Variants in PRTG observed in about 807,000 individuals in gnomAD.
PRTG encodes the protein immunoglobulin superfamily, DCC subclass, member 5.
Under a neutral mutation model 122.5 loss-of-function variants are expected in PRTG, and 67 were observed. The observed-to-expected ratio is 0.55, with a 90% confidence interval of 0.45 to 0.67. The LOEUF is 0.67. PRTG is among the 30% of genes least tolerant of loss of function. The pLI is 0.00. For synonymous variants in PRTG, 554 were observed against 501.1 expected, an observed-to-expected ratio of 1.11 and a Z score of -1.41; for missense variants, 1,435 against 1,415.4, an observed-to-expected ratio of 1.01 and a Z score of -0.22.
At chr15:55,679,680 T>C (rs2059526211) in intron 6 of PRTG, 1 of 449,170 alleles carries the variant, frequency 2.2e-6, no homozygotes, top group Non-Finnish European at 3.9e-6. Flanking sequence ...TTAAAATATA[T>C]GTACCTATCA....
At chr15:55,688,716 C>G (rs1311491874) in intron 2 of PRTG, among the ~76,000 whole-genome samples, 1 of 152,166 alleles carries the variant, frequency 6.6e-6, no homozygotes, top group African/African-American at 2.4e-5. Flanking sequence ...TACCTGTAGT[C>G]CCAGCTACTA....
chr15:55,705,719 G>A (rs755586570), intron 2 of PRTG, among the ~76,000 whole-genome samples: 39 of 152,192 alleles, frequency 2.6e-4, no homozygotes, highest in Non-Finnish European at 4.7e-4. Flanking sequence ...GGGATTACAG[G>A]CATAAGCCAC....
chr15:55,673,290 AAT>A, intron 10 of PRTG, 79 bp downstream of exon 10: 1 of 987,942 alleles, frequency 1.0e-6, no homozygotes, highest in Non-Finnish European at 1.5e-6. Context: ...AAAATTTAAA[AAT>A]ATAAACATAA....
rs1218564135 is a variant in PRTG at position 55,742,842 on chromosome 15, C to G, written c.90G>C (p.Leu30Phe). The G allele has an allele frequency of 1.3e-6, 2 of 1,541,666 alleles. No homozygotes were observed. The highest frequency in any genetic ancestry group is 2.0e-5 in the Admixed American group (1 of 50,710). The change falls in exon 1 of 20, where the codon TTG becomes TTC. Residue 30 changes from leucine (L) to phenylalanine (F), a missense_variant. Physicochemically the swap from Leu to Phe is conservative, Grantham distance 22. Coordinates refer to ENST00000389286, the MANE Select transcript of PRTG (RefSeq NM_173814.6). Reference protein sequence around the residue: ...ALLLLLLLSPLPGVWCFSELS... With the variant: ...ALLLLLLLSPFPGVWCFSELS... ...AGCAGAAGAAAGCGCGCCCACCTGG[C>G]AAAGGACTGAGCAGCAGCAGGAGCA...
chr15:55,650,789 G>T (rs149217675), intron 11 of PRTG, among the ~76,000 whole-genome samples: 84 of 152,076 alleles, frequency 5.5e-4, no homozygotes, highest in South Asian at 3.3e-3. Context: ...ACACAGCAAA[G>T]CCCCCGTCCC....
chr15:55,738,555 C>T (rs756046883), intron 2 of PRTG: 7 of 700,084 alleles, frequency 1.0e-5, no homozygotes, highest in Non-Finnish European at 1.8e-5. Flanking sequence ...ATTCTACAAA[C>T]TCTAAAAGGT....
At chr15:55,681,107 C>A (rs1401462836) in intron 4 of PRTG, among the ~76,000 whole-genome samples, 3 of 152,092 alleles carry the variant, frequency 2.0e-5, no homozygotes, top group African/African-American at 7.2e-5. Flanking sequence ...CAATATATAT[C>A]ATTGTATAGA....
chr15:55,648,827 G>A (rs994510578), intron 11 of PRTG, among the ~76,000 whole-genome samples: 4 of 152,038 alleles, frequency 2.6e-5, no homozygotes, highest in East Asian at 1.9e-4. Flanking sequence ...GGCCGGGCAC[G>A]GTGGCTCACA....
Position 55,680,060 on chromosome 15 carries a change from C to T in PRTG, c.967G>A (p.Val323Ile). 2 of 1,613,154 alleles carry T rather than the reference C, an allele frequency of 1.2e-6. No homozygotes were observed. Among genetic ancestry groups the T allele is most frequent in the Middle Eastern group, 1.7e-4 (1 of 6,058 alleles). ...CAGAATGAAAGGAACATACCTAATA[C>T]AGTTAAAGTTGCCATAGCAACTGTA... is the stretch of plus-strand genomic sequence containing the variant. Reference protein sequence around the residue: ...NFTVAMATLTVLAPPSFVEWP... With the variant: ...NFTVAMATLTILAPPSFVEWP... Residue 323 changes from valine (V) to isoleucine (I), a missense_variant, in exon 6 of 20, where the codon GTA becomes ATA. Transcript: ENST00000389286.
chr15:55,710,116 C>T (rs1299929723), intron 2 of PRTG, among the ~76,000 whole-genome samples: 1 of 152,232 alleles, frequency 6.6e-6, no homozygotes, highest in Admixed American at 6.5e-5. Flanking sequence ...TTAACAATGA[C>T]TACAGGAACT....
intron 12 of PRTG, among the ~76,000 whole-genome samples, chr15:55,640,326 T>C (rs988184644): frequency 2.0e-5 from 3 of 152,190 alleles, no homozygotes; most frequent in African/African-American, 4.8e-5. Flanking sequence ...TCATAGGTGA[T>C]AGGAATTTTT....
At position 55,645,429 on chromosome 15, in the gene PRTG, G is replaced by A. The variant is rs1369935424; in HGVS notation, c.2042-4221C>T. Among the ~76,000 whole-genome samples, 48 of 9,786 alleles carry A rather than the reference G, an allele frequency of 4.9e-3. 1 individual carries two copies. The highest frequency in any genetic ancestry group is 6.3e-3 in the African/African-American group (46 of 7,268). The allele number at this position is 9,786 out of a possible 152,430, so 6.4% of individuals were successfully genotyped here. A position where few individuals can be genotyped will look rare whatever the true frequency, so the allele number is the denominator to read the frequency against. On this transcript the variant is annotated intron_variant, in intron 11 of 19. Coordinates refer to ENST00000389286, the MANE Select transcript of PRTG (RefSeq NM_173814.6). ...AGCCTGGGCGACAGAGCGAAACTCC[G>A]TCTCAAAAAAAAAAAAAAAAAGAGT...
Position 55,624,451 on chromosome 15 carries a change from C to A in PRTG, c.2984G>T (p.Ser995Ile). 1 of 1,613,940 alleles carries A rather than the reference C, an allele frequency of 6.2e-7. No individual in the cohort carries two copies. Residue 995 changes from serine to isoleucine, a missense_variant, in exon 18 of 20, where the codon AGT (serine) becomes ATT (isoleucine). Coordinates refer to ENST00000389286, the MANE Select transcript of PRTG (RefSeq NM_173814.6). ...QNGTQQLPRT[S>I]ASLASGNEVG... The stretch of plus-strand genomic sequence containing the variant: ...CTCATTTCCACTAGCTAAGGAGGCA[C>A]TGGTACGAGGTAACTGTTGAGTTCC...
At chr15:55,645,913 G>A (rs1474819269) in intron 11 of PRTG, among the ~76,000 whole-genome samples, 1 of 152,174 alleles carries the variant, frequency 6.6e-6, no homozygotes, top group African/African-American at 2.4e-5. Context: ...GCCCAGAAAG[G>A]GAAGGAGGAG....
rs975223022 is a variant in PRTG at position 55,711,532 on chromosome 15, G to A, written c.398-27601C>T. On this transcript the variant is annotated intron_variant, in intron 2 of 19. Coordinates refer to ENST00000389286, the MANE Select transcript of PRTG (RefSeq NM_173814.6). ...ACCAGGTCCTTGAGAAGCGCTGTTT[G>A]ATGCCACCCACTCTCCTGGAACTTG... Among the ~76,000 whole-genome samples, 3 of 152,146 alleles carry A rather than the reference G, an allele frequency of 2.0e-5. No individual in the cohort carries two copies. The South Asian group carries it at 6.2e-4, about 32-fold the overall frequency.
Position 55,709,646 on chromosome 15 carries a change from CAAGT to C in PRTG, c.398-25719_398-25716del, listed in dbSNP as rs1185047746. On this transcript the variant is annotated intron_variant, in intron 2 of 19. Coordinates refer to ENST00000389286, the MANE Select transcript of PRTG (RefSeq NM_173814.6). ...TGGAAACAGCCCTAATGTAAATTAA[CAAGT>C]GAGTGAATAAACAATCAGTGGTATA... Among the ~76,000 whole-genome samples the C allele has an allele frequency of 8.5e-5, 13 of 152,104 alleles. No homozygotes were observed. In the East Asian group the frequency reaches 1.7e-3, roughly 20 times the overall value.
At chr15:55,643,151 A>G (rs967454277) in intron 11 of PRTG, among the ~76,000 whole-genome samples, 9 of 152,314 alleles carry the variant, frequency 5.9e-5, no homozygotes, top group Admixed American at 2.6e-4. Context: ...GTTTGTATAA[A>G]TATTTTAGAA....
At chr15:55,707,156 G>C (rs1305888540) in intron 2 of PRTG, among the ~76,000 whole-genome samples, 1 of 152,150 alleles carries the variant, frequency 6.6e-6, no homozygotes. Flanking sequence ...AACCAAATGT[G>C]AGTTTTTTAA....
chr15:55,650,493 C>T (rs1184587167), intron 11 of PRTG, among the ~76,000 whole-genome samples: 1 of 152,026 alleles, frequency 6.6e-6, no homozygotes, highest in Non-Finnish European at 1.5e-5. Context: ...TGAGAGAAGT[C>T]ACAGGGAGGA....
Sources: gnomAD v4.1 joint callset for allele counts (sites outside exome capture counted in the v4.1 genomes callset) on GRCh38, gnomAD v4.1.1 for gene constraint, MANE v1.5 for transcripts, NCBI Gene and HGNC (gene_info 2026-07-23, HGNC 2026-07-21) for gene names.